The following PPP2R5C variants were observed in gnomAD, a reference collection of about 807,000 sequenced individuals.
PPP2R5C encodes the protein serine/threonine-protein phosphatase 2A 56 kDa regulatory subunit gamma isoform.
A neutral mutation model predicts 68.9 loss-of-function variants in PPP2R5C; 7 were observed. The observed-to-expected ratio is 0.10, with a 90% CI of 0.06 to 0.19. PPP2R5C has a LOEUF of 0.19. Among genes scored for constraint, PPP2R5C ranks in the 10% least tolerant of loss-of-function variants. PPP2R5C has a pLI of 1.00. For missense variants in PPP2R5C, 348 were observed against 641.3 expected, an observed-to-expected ratio of 0.54 and a Z score of 4.94; for synonymous variants, 210 against 222.2, an observed-to-expected ratio of 0.95 and a Z score of 0.49.
chr14:101,785,948 C>T, intron 2 of PPP2R5C, 70 bp from the exon 3 acceptor site: 2 of 1,356,410 alleles, frequency 1.5e-6, no homozygotes, highest in Non-Finnish European at 2.0e-6. Context: ...ATATGTTTTT[C>T]TATATTTTAA....
chr14:101,827,157 G>C (rs1242428574), intron 1 of PPP2R5C, among the ~76,000 whole-genome samples: 1 of 151,436 alleles, frequency 6.6e-6, no homozygotes, highest in African/African-American at 2.4e-5. Context: ...TGTATTTTTA[G>C]TAGACACAGA....
chr14:101,871,655 T>C (rs530573291), intron 2 of PPP2R5C, among the ~76,000 whole-genome samples: 28 of 151,562 alleles, frequency 1.8e-4, no homozygotes, highest in African/African-American at 6.8e-4. Flanking sequence ...CCTTCCTATT[T>C]TTTTTCTATT....
chr14:101,786,574 A>G (rs969384875), intron 3 of PPP2R5C, among the ~76,000 whole-genome samples: 1 of 152,220 alleles, frequency 6.6e-6, no homozygotes, highest in Non-Finnish European at 1.5e-5. Context: ...TTATAGTAGA[A>G]GTTCCCTATG....
At chr14:101,782,216 CCT>C (rs1252727321) in intron 2 of PPP2R5C, among the ~76,000 whole-genome samples, 10 of 17,648 alleles carry the variant, frequency 5.7e-4, no homozygotes, top group Non-Finnish European at 7.7e-4. Context: ...CCTCCCCCTC[CCT>C]CTCTCCTCCC....
chr14:101,868,423 T>C (rs1879641507), intron 2 of PPP2R5C, among the ~76,000 whole-genome samples: 1 of 152,204 alleles, frequency 6.6e-6, no homozygotes, highest in Non-Finnish European at 1.5e-5. Context: ...TTTTTCCTAC[T>C]TCACCCCTCC....
chr14:101,794,325 A>G (rs1441480890), intron 3 of PPP2R5C, among the ~76,000 whole-genome samples: 2 of 152,254 alleles, frequency 1.3e-5, no homozygotes, highest in African/African-American at 2.4e-5. Flanking sequence ...CCCAAAAACA[A>G]TATTGATATT....
chr14:101,853,459 G>T (rs769395660), intron 1 of PPP2R5C, among the ~76,000 whole-genome samples: 1 of 152,140 alleles, frequency 6.6e-6, no homozygotes, highest in Admixed American at 6.5e-5. Context: ...ATTAAAAACC[G>T]TGTTACTCTG....
At chr14:101,852,982 G>A (rs1002225770) in intron 1 of PPP2R5C, among the ~76,000 whole-genome samples, 1 of 152,082 alleles carries the variant, frequency 6.6e-6, no homozygotes, top group Non-Finnish European at 1.5e-5. Context: ...ATCTATACAA[G>A]TATGAGGCAT....
At chr14:101,813,122 C>T (rs531218278) in intron 1 of PPP2R5C, among the ~76,000 whole-genome samples, 2 of 152,290 alleles carry the variant, frequency 1.3e-5, no homozygotes, top group South Asian at 4.1e-4. Flanking sequence ...CTGCAGCAGC[C>T]CCTGGTCACC....
chr14:101,924,254 T>C (rs990627971), intron 13 of PPP2R5C, among the ~76,000 whole-genome samples: 3 of 152,128 alleles, frequency 2.0e-5, no homozygotes, highest in Non-Finnish European at 4.4e-5. Context: ...GATACAGTTA[T>C]CCAAATCCTC....
intron 2 of PPP2R5C, among the ~76,000 whole-genome samples, chr14:101,777,570 A>C (rs1488545235): frequency 1.3e-5 from 2 of 152,020 alleles, no homozygotes; most frequent in Admixed American, 1.3e-4. Flanking sequence ...GGCTGGTCTC[A>C]AACTTCTGAC....
chr14:101,824,394 A>C (rs2040271722), intron 1 of PPP2R5C: 1 of 262,502 alleles, frequency 3.8e-6, no homozygotes, highest in Non-Finnish European at 7.6e-6. Context: ...GTACAATTGA[A>C]GTGATGTTTA....
At chr14:101,868,248 C>G (rs1243063431) in intron 2 of PPP2R5C, among the ~76,000 whole-genome samples, 1 of 152,096 alleles carries the variant, frequency 6.6e-6, no homozygotes, top group East Asian at 1.9e-4. Context: ...TTTTTGAAAT[C>G]CAGAGAATGA....
intron 2 of PPP2R5C, among the ~76,000 whole-genome samples, chr14:101,866,945 G>A (rs1010887616): frequency 2.6e-5 from 4 of 151,974 alleles, no homozygotes; most frequent in Non-Finnish European, 4.4e-5. Flanking sequence ...GGCCGGGCAC[G>A]GTGGCTCACA....
At chr14:101,762,149 C>T (rs1182571847) in intron 1 of PPP2R5C, among the ~76,000 whole-genome samples, 1 of 151,538 alleles carries the variant, frequency 6.6e-6, no homozygotes, top group Non-Finnish European at 1.5e-5. Context: ...GGCGCAGGCC[C>T]GGGCCGCTGG....
chr14:101,803,450 C>T (rs112918701), intron 3 of PPP2R5C: 18,946 of 152,208 alleles, frequency 0.12, 1,302 homozygotes, highest in Admixed American at 0.18. Flanking sequence ...CTTGGCCGGG[C>T]GCAGTGGCTC....
chr14:101,915,026 G>T lies in PPP2R5C; in HGVS notation c.1326+2553G>T, dbSNP rs995484578. Among the ~76,000 whole-genome samples the T allele has an allele frequency of 6.6e-6, 1 of 152,138 alleles. No homozygotes were observed. Among genetic ancestry groups the T allele is most frequent in the Non-Finnish European group, 1.5e-5 (1 of 68,026 alleles). On this transcript the variant is annotated intron_variant, in intron 12 of 13. Coordinates refer to ENST00000334743, the Ensembl canonical transcript of PPP2R5C. This position sits in a 1 kb window ranked among gnomAD's most constrained non-coding sequence, Gnocchi z 4.2. ...TCCTTCGAGAGAGGAGCTCATGTGCGGAATGCACCTCAGTGAAGGTTTTTG... is the reference window on the plus strand; with the variant it reads ...TCCTTCGAGAGAGGAGCTCATGTGCTGAATGCACCTCAGTGAAGGTTTTTG...
chr14:101,791,058 C>T (rs2038338607), intron 3 of PPP2R5C, among the ~76,000 whole-genome samples: 1 of 152,010 alleles, frequency 6.6e-6, no homozygotes, highest in Admixed American at 6.6e-5. Flanking sequence ...CCAGCCTGGG[C>T]AACAGAGCAA....
chr14:101,922,013 G>A (rs558003812), intron 13 of PPP2R5C: 11 of 985,412 alleles, frequency 1.1e-5, no homozygotes, highest in African/African-American at 3.5e-5. Context: ...TGTCAACCAC[G>A]CAAGTAAGGA....
Sources: allele counts gnomAD v4.1 joint callset (sites outside exome capture counted in the v4.1 genomes callset), GRCh38; gene constraint gnomAD v4.1.1; non-coding constraint Gnocchi (gnomAD v3.1); transcripts MANE v1.5; gene names NCBI Gene and HGNC (gene_info 2026-07-23, HGNC 2026-07-21).